The following FTSJ1 variants were observed in gnomAD, a reference collection of about 807,000 sequenced individuals.
The protein encoded by FTSJ1 is tRNA (cytidine(32)/guanosine(34)-2'-O)-methyltransferase.
A neutral mutation model predicts 28.5 loss-of-function variants in FTSJ1; 3 were observed. The observed-to-expected ratio is 0.11, with a 90% CI of 0.05 to 0.27. FTSJ1 has a LOEUF of 0.27. FTSJ1 is among the 10% of genes least tolerant of loss of function. The pLI, the probability that FTSJ1 is intolerant of heterozygous loss-of-function variation, is 1.00. For missense variants in FTSJ1, 162 were observed against 279.0 expected, an observed-to-expected ratio of 0.58 and a Z score of 2.99; for synonymous variants, 104 against 113.9, an observed-to-expected ratio of 0.91 and a Z score of 0.55.
At chrX:48,484,266 G>T (rs782454123) in intron 12 of FTSJ1, among the ~76,000 whole-genome samples, 1 of 110,874 alleles carries the variant, frequency 9.0e-6, no homozygotes, top group African/African-American at 3.3e-5. Context: ...ATGGGGTTTT[G>T]CCATGTTGAC....
At chrX:48,484,094 G>C (rs1010204484) in intron 12 of FTSJ1, among the ~76,000 whole-genome samples, 3 of 109,210 alleles carry the variant, frequency 2.7e-5, no homozygotes, top group African/African-American at 1.0e-4. Context: ...TCTTGAGACA[G>C]AGTCTTACTC....
intron 12 of FTSJ1, among the ~76,000 whole-genome samples, chrX:48,485,350 C>G (rs2061595961): frequency 9.0e-6 from 1 of 111,149 alleles, no homozygotes; most frequent in Non-Finnish European, 1.9e-5. Flanking sequence ...TAGTATATGC[C>G]CATTAAATCG....
In FTSJ1 at chrX:48,478,726, G is replaced by A. The variant is rs191051505; in HGVS notation, c.282+19G>A. 86 of 1,111,599 alleles carry A rather than the reference G, an allele frequency of 7.7e-5. No individual in the cohort carries two copies. In the East Asian group the frequency reaches 2.2e-3, roughly 28 times the overall value. 91.6% of individuals were successfully genotyped at this position (1,111,599 alleles called of 1,213,427 possible). The stretch of plus-strand genomic sequence containing the variant: ...CACCCAGGTAAGAGCATGGCTGAGG[G>A]TGTTGGGGTATATCCTGGGTGAAGG... On this transcript the variant is annotated intron_variant, in intron 4 of 12. Coordinates refer to ENST00000348411, the MANE Select transcript of FTSJ1 (RefSeq NM_012280.4).
In FTSJ1 at chrX:48,481,676, A is replaced by C; in HGVS notation, c.616A>C (p.Ile206Leu). The change falls in exon 9 of 13, where the codon ATC becomes CTC. Residue 206 changes from isoleucine to leucine, a missense_variant. By Grantham distance (5) the Ile-to-Leu change is conservative. Coordinates refer to ENST00000348411, the MANE Select transcript of FTSJ1 (RefSeq NM_012280.4). Reference sequence around the variant, plus strand: ...GGGCTATGACCCTCCCGAGGGCTTCATCCCGGACCTGAGCAAACCCCTGCT... The same window carrying C: ...GGGCTATGACCCTCCCGAGGGCTTCCTCCCGGACCTGAGCAAACCCCTGCT... ...CQGYDPPEGFIPDLSKPLLDH... is the reference protein window; with the variant it reads ...CQGYDPPEGFLPDLSKPLLDH... The C allele has an allele frequency of 8.3e-7, 1 of 1,198,737 alleles. No homozygotes were observed. Among genetic ancestry groups the C allele is most frequent in the East Asian group, 3.0e-5 (1 of 33,791 alleles).
chrX:48,476,480 G>T, intron 1 of FTSJ1, 84 bp downstream of exon 1: 1 of 288,436 alleles, frequency 3.5e-6, no homozygotes, highest in East Asian at 4.9e-5. Context: ...GGGAAAGGAG[G>T]GAGGTCCGCC....
Position 48,481,176 on chromosome X carries a change from G to A in FTSJ1, c.387G>A (p.Glu129=), listed in dbSNP as rs2061566139. 1 of 1,208,294 alleles carries A rather than the reference G, an allele frequency of 8.3e-7. No homozygotes were observed. Among genetic ancestry groups the A allele is most frequent in the Non-Finnish European group, 1.1e-6 (1 of 894,017 alleles). The change falls in exon 6 of 13, where the codon GAG becomes GAA. Residue 129 remains glutamate, a synonymous_variant. Transcript: ENST00000348411. ...PDVTGLHDVD[E]YMQAQLLLAA... ...TAACCGGTCTCCATGATGTTGATGA[G>A]TATATGCAGGCCCAGCTCCTCCTAG...
chrX:48,479,780 T>A (rs187696557), intron 5 of FTSJ1, among the ~76,000 whole-genome samples: 1 of 111,067 alleles, frequency 9.0e-6, no homozygotes, highest in Admixed American at 9.6e-5. Flanking sequence ...GAGGTCGAGG[T>A]TACAGTACAC....
chrX:48,485,454 A>G (rs1456632781), intron 12 of FTSJ1, among the ~76,000 whole-genome samples: 1 of 110,257 alleles, frequency 9.1e-6, no homozygotes, highest in Non-Finnish European at 1.9e-5. Flanking sequence ...TAAACTGAAC[A>G]TATATAGGTT....
In FTSJ1 at chrX:48,476,255, C is replaced by A. The variant is rs1202031558; in HGVS notation, c.-229C>A. 9 of 297,624 alleles carry A rather than the reference C, an allele frequency of 3.0e-5. No homozygotes were observed. Among genetic ancestry groups the A allele is most frequent in the Non-Finnish European group, 5.3e-5 (9 of 170,335 alleles). The allele number at this position is 297,624 out of a possible 1,213,427, so 24.5% of individuals were successfully genotyped here. ...GGGCGATCCACGATGCCGAGTTTGC[C>A]ACGCTGCGACAGCCCATAGGCTTGC... On this transcript the variant is annotated 5_prime_UTR_variant, in exon 1 of 13. Transcript: ENST00000348411.
intron 5 of FTSJ1, 152 bp from the exon 6 acceptor site, chrX:48,480,999 C>G: frequency 3.7e-6 from 2 of 535,489 alleles, no homozygotes; most frequent in Non-Finnish European, 3.3e-6. Context: ...GTTAGGAGCT[C>G]AGAATATGCA....
chrX:48,482,445 T>C lies in FTSJ1; in HGVS notation c.698T>C (p.Val233Ala). ...NQLDGPTRII[V>A]PFVTCGDLSS... ...CTGGATGGTCCCACCCGCATCATTG[T>C]GCCTTTTGTGACCTGTGGGGACCTG... Residue 233 changes from valine (V) to alanine (A), a missense_variant, in exon 10 of 13, where the codon GTG becomes GCG. Coordinates refer to ENST00000348411, the MANE Select transcript of FTSJ1 (RefSeq NM_012280.4). 1 of 1,208,483 alleles carries C rather than the reference T, an allele frequency of 8.3e-7. No homozygotes were observed. Among genetic ancestry groups the C allele is most frequent in the East Asian group, 3.0e-5 (1 of 33,811 alleles).
chrX:48,485,275 C>CA (rs1373169683), intron 12 of FTSJ1, among the ~76,000 whole-genome samples: 1 of 110,801 alleles, frequency 9.0e-6, no homozygotes, highest in African/African-American at 3.3e-5. Flanking sequence ...GCCTGGGTGA[C>CA]AGAGTCAGAC....
Position 48,481,669 on chromosome X carries a change from G to C in FTSJ1, c.609G>C (p.Glu203Asp), listed in dbSNP as rs1783285876. The change falls in exon 9 of 13, where the codon GAG becomes GAC. Residue 203 changes from glutamate to aspartate, a missense_variant. Physicochemically the swap from Glu to Asp is conservative, Grantham distance 45. Transcript: ENST00000348411. The stretch of plus-strand genomic sequence containing the variant: ...TCTGTCAGGGCTATGACCCTCCCGA[G>C]GGCTTCATCCCGGACCTGAGCAAAC... Reference protein sequence around the residue: ...FAVCQGYDPPEGFIPDLSKPL... With the variant: ...FAVCQGYDPPDGFIPDLSKPL... The C allele has an allele frequency of 3.3e-6, 4 of 1,201,175 alleles. No homozygotes were observed. In the African/African-American group the frequency reaches 6.9e-5, roughly 21 times the overall value.
chrX:48,482,317 G>C, intron 9 of FTSJ1, 86 bp from the exon 10 acceptor site: 1 of 580,373 alleles, frequency 1.7e-6, no homozygotes, highest in South Asian at 2.4e-5. Context: ...TATGTGGGGA[G>C]GGTTTGGCAG....
chrX:48,481,570 T>G, intron 8 of FTSJ1, 42 bp downstream of exon 8: 2 of 1,157,506 alleles, frequency 1.7e-6, no homozygotes, highest in Non-Finnish European at 1.2e-6. Flanking sequence ...GGGGGATCTC[T>G]GGGACGCCGA....
At chrX:48,476,848 T>C (rs1306620555) in intron 1 of FTSJ1, among the ~76,000 whole-genome samples, 3 of 109,933 alleles carry the variant, frequency 2.7e-5, no homozygotes, top group East Asian at 5.7e-4. Flanking sequence ...ATATAACGAG[T>C]GATGGATGGG....
chrX:48,478,982 G>A (rs782519337), intron 4 of FTSJ1, 56 bp from the exon 5 acceptor site: 190 of 946,930 alleles, frequency 2.0e-4, no homozygotes, highest in Middle Eastern at 1.1e-3. Context: ...GGGCAGGCGG[G>A]ATCTGAGGGC....
chrX:48,477,257 C>T (rs1556966587), intron 1 of FTSJ1, among the ~76,000 whole-genome samples: 6 of 110,385 alleles, frequency 5.4e-5, no homozygotes, highest in South Asian at 7.8e-4. Flanking sequence ...GATCAGTTAA[C>T]GTGTTTGTTA....
chrX:48,480,331 T>C (rs184895702), intron 5 of FTSJ1, among the ~76,000 whole-genome samples: 2 of 109,429 alleles, frequency 1.8e-5, no homozygotes, highest in East Asian at 5.8e-4. Context: ...CCAGGAAAAA[T>C]TGCAGCCCGT....
Sources: gnomAD v4.1 joint callset for allele counts (sites outside exome capture counted in the v4.1 genomes callset) on GRCh38, gnomAD v4.1.1 for gene constraint, MANE v1.5 for transcripts, NCBI Gene and HGNC (gene_info 2026-07-23, HGNC 2026-07-21) for gene names.